Variants in RIPOR3 observed in about 807,000 individuals in gnomAD.
The protein encoded by RIPOR3 is family with sequence similarity 65 member C.
A neutral mutation model predicts 114.3 loss-of-function variants in RIPOR3; 95 were observed. The ratio of observed to expected loss-of-function variants is 0.83; its 90% CI spans 0.70 to 0.99. The LOEUF (loss-of-function observed/expected upper bound fraction) is 0.99, where lower values mean the gene tolerates loss of function less well. RIPOR3 is among the 50% of genes least tolerant of loss of function. The pLI, the probability that RIPOR3 is intolerant of heterozygous loss-of-function variation, is 0.00. For missense variants in RIPOR3, 1,252 were observed against 1,266.9 expected, an observed-to-expected ratio of 0.99 and a Z score of 0.18; for synonymous variants, 575 against 543.8, an observed-to-expected ratio of 1.06 and a Z score of -0.80.
chr20:50,609,664 C>G lies in RIPOR3; in HGVS notation c.485G>C (p.Ser162Thr). 7.2e-7 allele frequency: 1 copy of G among 1,394,642 alleles called. No individual in the cohort carries two copies. The highest frequency in any genetic ancestry group is 1.8e-5 in the South Asian group (1 of 57,034). 86.4% of individuals were successfully genotyped at this position (1,394,642 alleles called of 1,614,324 possible). The change falls in exon 7 of 22, where the codon AGC becomes ACC. Residue 162 changes from serine to threonine, a missense_variant. Ser to Thr is a moderately conservative substitution (Grantham distance 58). Transcript: ENST00000327979. ...GCACCGGGCGAAGGCCCGCTGCATG[C>G]TGGAGGCGCCGTCGCGCAGGCGGCA... The part of the protein sequence containing the change: ...IQCRLRDGAS[S>T]MQRAFARCPP...
In RIPOR3 at chr20:50,666,183, A is replaced by ATTTCTTTTTTCT. The variant is rs534286175; in HGVS notation, c.3+24942_3+24943insAGAAAAAAGAAA. 1.2e-3 allele frequency among the ~76,000 whole-genome samples: 52 copies of ATTTCTTTTTTCT among 43,748 alleles called. 6 individuals are homozygous for ATTTCTTTTTTCT. The highest frequency in any genetic ancestry group is 2.3e-3 in the Non-Finnish European group (37 of 16,242). The allele number at this position is 43,748 out of a possible 152,430, so 28.7% of individuals were successfully genotyped here. A position where few individuals can be genotyped will look rare whatever the true frequency, so the allele number is the denominator to read the frequency against. ...CCTAGAATACAGAGAAAGGACACCC[A>ATTTCTTTTTTCT]TTTCTTTTCTTTTCTTTTCTTTTCT... On this transcript the variant is annotated intron_variant, in intron 1 of 21. Transcript: ENST00000327979.
chr20:50,602,570 C>T lies in RIPOR3; in HGVS notation c.1161G>A (p.Leu387=), dbSNP rs1376350089. 2 of 1,533,754 alleles carry T rather than the reference C, an allele frequency of 1.3e-6. No individual in the cohort carries two copies. The highest frequency in any genetic ancestry group is 2.1e-5 in the Admixed American group (1 of 47,040). ...GPRATSILSY[L]SDSDLRGPSL... is the part of the protein sequence containing the mutation. ...TGGGACCCCGGAGGTCGCTGTCAGACAGGTAGCTGAGGATGGAGGTGGCCC... is the reference window on the plus strand; with the variant it reads ...TGGGACCCCGGAGGTCGCTGTCAGATAGGTAGCTGAGGATGGAGGTGGCCC... Residue 387 remains leucine, a synonymous_variant, in exon 13 of 22, where the codon CTG becomes CTA. Coordinates refer to ENST00000327979, the MANE Select transcript of RIPOR3 (RefSeq NM_001290268.2). The surrounding 1 kb of genome is among the most constrained non-coding windows in gnomAD (Gnocchi z 4.3).
rs546066216 is a variant in RIPOR3 at position 50,633,337 on chromosome 20, C to T, written c.4-2481G>A. 6.6e-5 allele frequency among the ~76,000 whole-genome samples: 10 copies of T among 152,312 alleles called. No homozygotes were observed. In the South Asian group the frequency reaches 1.9e-3, roughly 28 times the overall value. On this transcript the variant is annotated intron_variant, in intron 1 of 21. Transcript: ENST00000327979. Reference sequence around the variant, plus strand: ...GAATTTTGTGAGCCTGTTGACATCACGTTGGTGGTTTGAAATCAGCCACAG... The same window carrying T: ...GAATTTTGTGAGCCTGTTGACATCATGTTGGTGGTTTGAAATCAGCCACAG...
intron 2 of RIPOR3, among the ~76,000 whole-genome samples, chr20:50,621,940 G>C (rs1338408089): frequency 1.3e-5 from 2 of 152,138 alleles, no homozygotes; most frequent in African/African-American, 4.8e-5. Context: ...TACGAGGCCA[G>C]GGCACCCTCA....
chr20:50,619,642 C>T (rs1363318889), intron 3 of RIPOR3, among the ~76,000 whole-genome samples: 2 of 152,196 alleles, frequency 1.3e-5, no homozygotes, highest in East Asian at 1.9e-4. Context: ...AGGCCCTCGA[C>T]GCACTGTCTC....
chr20:50,658,337 T>A (rs998594855), intron 1 of RIPOR3, among the ~76,000 whole-genome samples: 1 of 152,200 alleles, frequency 6.6e-6, no homozygotes, highest in African/African-American at 2.4e-5. Context: ...TAAGAAAATA[T>A]GCCCATCACA....
rs577577684 is a variant in RIPOR3, at chr20:50,676,596, G to A, written c.3+14530C>T. 5.4e-4 allele frequency among the ~76,000 whole-genome samples: 82 copies of A among 152,116 alleles called. No individual in the cohort carries two copies. In the Middle Eastern group the frequency reaches 0.017, roughly 32 times the overall value. On this transcript the variant is annotated intron_variant, in intron 1 of 21. Coordinates refer to ENST00000327979, the MANE Select transcript of RIPOR3 (RefSeq NM_001290268.2). ...GAGCCCAGGAGGTCAAGGCTGCAGTGAGCCGTGATCATGCCACTGTACTCC... is the reference window on the plus strand; with the variant it reads ...GAGCCCAGGAGGTCAAGGCTGCAGTAAGCCGTGATCATGCCACTGTACTCC...
At chr20:50,596,101 C>T (rs1460745543) in intron 15 of RIPOR3, 39 bp downstream of exon 15, 2 of 1,613,194 alleles carry the variant, frequency 1.2e-6, no homozygotes, top group Admixed American at 3.3e-5. Context: ...CTCCAAACCC[C>T]TGTCTGCCCC....
At chr20:50,661,584 G>A (rs2085997318) in intron 1 of RIPOR3, among the ~76,000 whole-genome samples, 1 of 152,150 alleles carries the variant, frequency 6.6e-6, no homozygotes, top group African/African-American at 2.4e-5. Context: ...TTCCTGGTCT[G>A]AAGCATTCTG....
At chr20:50,687,281 C>T (rs547899566) in intron 1 of RIPOR3, among the ~76,000 whole-genome samples, 2 of 152,386 alleles carry the variant, frequency 1.3e-5, no homozygotes, top group Admixed American at 1.3e-4. Context: ...ATCTCTACTC[C>T]ACCCGATCTC....
chr20:50,642,835 G>T (rs1217394686), intron 1 of RIPOR3, among the ~76,000 whole-genome samples: 1 of 151,954 alleles, frequency 6.6e-6, no homozygotes, highest in Non-Finnish European at 1.5e-5. Flanking sequence ...GATCACCTGA[G>T]GTCAGGAGTT....
intron 3 of RIPOR3, 72 bp downstream of exon 3, chr20:50,619,914 C>T (rs1463042256): frequency 2.6e-6 from 4 of 1,549,360 alleles, no homozygotes; most frequent in Non-Finnish European, 3.5e-6. Context: ...TCCACGCTTC[C>T]CCAGGAAGAG....
At chr20:50,669,137 G>A (rs1456062060) in intron 1 of RIPOR3, among the ~76,000 whole-genome samples, 2 of 151,792 alleles carry the variant, frequency 1.3e-5, no homozygotes, top group Middle Eastern at 3.4e-3. Flanking sequence ...CACACATGGT[G>A]CACACTCACA....
At chr20:50,674,262 GAA>G (rs1460472009) in intron 1 of RIPOR3, among the ~76,000 whole-genome samples, 1 of 152,074 alleles carries the variant, frequency 6.6e-6, no homozygotes, top group Non-Finnish European at 1.5e-5. Flanking sequence ...GAGTCAGAGA[GAA>G]AAGAGTCCCA....
chr20:50,609,033 C>T, intron 8 of RIPOR3, 78 bp from the exon 9 acceptor site: 2 of 1,537,560 alleles, frequency 1.3e-6, no homozygotes, highest in African/African-American at 1.4e-5. Flanking sequence ...CTCTGGGGTT[C>T]CCCCGAGTAT....
intron 1 of RIPOR3, among the ~76,000 whole-genome samples, chr20:50,687,000 G>A (rs1407148957): frequency 2.0e-5 from 3 of 152,192 alleles, no homozygotes; most frequent in African/African-American, 7.2e-5. Flanking sequence ...TCTAAAAATA[G>A]CAAGCTATCT....
chr20:50,589,902 G>A, intron 19 of RIPOR3, 133 bp from the exon 20 acceptor site: 5 of 724,376 alleles, frequency 6.9e-6, no homozygotes, highest in African/African-American at 1.7e-5. Context: ...TTCAGGACAC[G>A]ATCGGTCCAT....
intron 1 of RIPOR3, among the ~76,000 whole-genome samples, chr20:50,681,843 C>T (rs1258034291): frequency 6.6e-6 from 1 of 152,214 alleles, no homozygotes; most frequent in Non-Finnish European, 1.5e-5. Context: ...GCCTCTCCTG[C>T]AGGAGAAGCT....
chr20:50,650,901 T>C lies in RIPOR3; in HGVS notation c.4-20045A>G, dbSNP rs143963576. Among the ~76,000 whole-genome samples the C allele has an allele frequency of 3.9e-3, 592 of 152,212 alleles. 6 individuals carry two copies. The highest frequency in any genetic ancestry group is 0.012 in the African/African-American group (506 of 41,534). ...TGATCTGACTGCCATGGTTACCTTA[T>C]ATGACAAAAGGGAGATTAGCCTGGG... On this transcript the variant is annotated intron_variant, in intron 1 of 21. Coordinates refer to ENST00000327979, the MANE Select transcript of RIPOR3 (RefSeq NM_001290268.2).
Sources: allele counts gnomAD v4.1 joint callset (sites outside exome capture counted in the v4.1 genomes callset), GRCh38; gene constraint gnomAD v4.1.1; non-coding constraint Gnocchi (gnomAD v3.1); transcripts MANE v1.5; gene names NCBI Gene and HGNC (gene_info 2026-07-23, HGNC 2026-07-21).